The following DSCAM variants were observed in gnomAD, a reference collection of about 807,000 sequenced individuals.
The protein encoded by DSCAM is cell adhesion molecule DSCAM.
Under a neutral mutation model 217.7 loss-of-function variants are expected in DSCAM, and 47 were observed. The ratio of observed to expected loss-of-function variants is 0.22; its 90% confidence interval spans 0.17 to 0.28. The LOEUF is 0.28. DSCAM is among the 10% of genes least tolerant of loss of function. DSCAM has a pLI of 1.00. For missense variants in DSCAM, 2,080 were observed against 2,618.3 expected (o/e 0.79, Z 4.49); for synonymous variants, 1,056 against 1,015.3 (o/e 1.04, Z -0.76).
At chr21:40,758,561 G>A (rs1601222613) in intron 1 of DSCAM, among the ~76,000 whole-genome samples, 2 of 151,334 alleles carry the variant, frequency 1.3e-5, no homozygotes, top group African/African-American at 2.4e-5. Context: ...CAGAGGACAG[G>A]AGGTGTGGTG....
At chr21:40,323,439 A>G (rs1157268606) in intron 8 of DSCAM, among the ~76,000 whole-genome samples, 1 of 152,210 alleles carries the variant, frequency 6.6e-6, no homozygotes, top group Non-Finnish European at 1.5e-5. Flanking sequence ...ATTAGTGCTG[A>G]GTTCTCTTTC....
At chr21:40,664,078 T>A (rs979236258) in intron 3 of DSCAM, among the ~76,000 whole-genome samples, 2 of 152,228 alleles carry the variant, frequency 1.3e-5, no homozygotes, top group African/African-American at 2.4e-5. Context: ...ATAATGTATT[T>A]CTATTCACAA....
intron 3 of DSCAM, among the ~76,000 whole-genome samples, chr21:40,658,298 T>C (rs2090098086): frequency 6.6e-6 from 1 of 152,234 alleles, no homozygotes; most frequent in African/African-American, 2.4e-5. Context: ...AAAATTATCA[T>C]TTAATTTCTG....
intron 1 of DSCAM, among the ~76,000 whole-genome samples, chr21:40,793,847 C>G (rs1323239206): frequency 6.6e-6 from 1 of 152,072 alleles, no homozygotes. Context: ...AGCATTTTGT[C>G]TGGCTTAGAC....
At chr21:40,838,639 C>T (rs1331340316) in intron 1 of DSCAM, among the ~76,000 whole-genome samples, 1 of 152,178 alleles carries the variant, frequency 6.6e-6, no homozygotes, top group Non-Finnish European at 1.5e-5. Context: ...AAAACTGTTT[C>T]CTGTTTCTTC....
At chr21:40,465,809 C>T (rs1187211547) in intron 3 of DSCAM, among the ~76,000 whole-genome samples, 1 of 152,000 alleles carries the variant, frequency 6.6e-6, no homozygotes, top group Non-Finnish European at 1.5e-5. Flanking sequence ...TTACAGCTTA[C>T]TCTTGAAATA....
chr21:40,429,561 C>G (rs976257631), intron 3 of DSCAM, among the ~76,000 whole-genome samples: 4 of 152,210 alleles, frequency 2.6e-5, no homozygotes, highest in African/African-American at 9.6e-5. Context: ...AGCCACCAAG[C>G]CCAGCCTGCA....
chr21:40,348,187 G>A (rs1406558713), intron 5 of DSCAM, among the ~76,000 whole-genome samples: 3 of 152,234 alleles, frequency 2.0e-5, no homozygotes, highest in African/African-American at 4.8e-5. Flanking sequence ...GTTCCTATCA[G>A]CCACATTATT....
intron 20 of DSCAM, among the ~76,000 whole-genome samples, chr21:40,100,989 T>A (rs1308109849): frequency 6.6e-6 from 1 of 152,186 alleles, no homozygotes; most frequent in Non-Finnish European, 1.5e-5. Flanking sequence ...AGTTCCTTTG[T>A]GACCTGTGGA....
chr21:40,303,625 C>A (rs895073223), intron 9 of DSCAM, among the ~76,000 whole-genome samples: 1 of 152,018 alleles, frequency 6.6e-6, no homozygotes, highest in East Asian at 1.9e-4. Flanking sequence ...ACCATGGTAT[C>A]CTCGGCACTC....
intron 3 of DSCAM, among the ~76,000 whole-genome samples, chr21:40,500,547 G>A (rs1320487813): frequency 2.7e-5 from 4 of 149,164 alleles, no homozygotes; most frequent in African/African-American, 5.0e-5. Flanking sequence ...GGATGCAGAC[G>A]GTACTCTTGA....
intron 3 of DSCAM, among the ~76,000 whole-genome samples, chr21:40,430,174 C>T (rs528677904): frequency 1.3e-5 from 2 of 152,312 alleles, no homozygotes; most frequent in South Asian, 2.1e-4. Context: ...CACAGCCTAG[C>T]TCAGTGCTAT....
intron 8 of DSCAM, among the ~76,000 whole-genome samples, chr21:40,316,251 G>A (rs1478571352): frequency 6.6e-6 from 1 of 152,174 alleles, no homozygotes; most frequent in East Asian, 1.9e-4. Context: ...GCCACATTAT[G>A]TAAGGACACA....
chr21:40,755,779 T>C (rs1274465821), intron 1 of DSCAM, among the ~76,000 whole-genome samples: 1 of 152,206 alleles, frequency 6.6e-6, no homozygotes, highest in Non-Finnish European at 1.5e-5. Context: ...GAGATATTCA[T>C]ATAGCTTCTA....
chr21:40,714,058 T>C lies in DSCAM; in HGVS notation c.44-5287A>G, dbSNP rs1412132913. 2.0e-5 allele frequency among the ~76,000 whole-genome samples: 3 copies of C among 152,230 alleles called. No homozygotes were observed. In the East Asian group the frequency reaches 5.8e-4, roughly 29 times the overall value. ...ATCCATGTTGTGTTAATTCTGCAGGTGCACAGAATGCAAAAGCTGTGGGGC... is the reference window on the plus strand; with the variant it reads ...ATCCATGTTGTGTTAATTCTGCAGGCGCACAGAATGCAAAAGCTGTGGGGC... On this transcript the variant is annotated intron_variant, in intron 1 of 32. Coordinates refer to ENST00000400454, the MANE Select transcript of DSCAM (RefSeq NM_001389.5).
chr21:40,694,916 G>A (rs534614138), intron 2 of DSCAM, among the ~76,000 whole-genome samples: 1 of 152,294 alleles, frequency 6.6e-6, no homozygotes, highest in Non-Finnish European at 1.5e-5. Flanking sequence ...ATCTGGGCAT[G>A]GTGAGAAGCA....
intron 15 of DSCAM, 74 bp from the exon 16 acceptor site, chr21:40,167,362 T>C: frequency 9.4e-6 from 13 of 1,381,872 alleles, no homozygotes; most frequent in Non-Finnish European, 1.2e-5. Context: ...CAGCCAAAGG[T>C]GGTCCCCGAG....
At chr21:40,414,756 C>T (rs548632326) in intron 3 of DSCAM, among the ~76,000 whole-genome samples, 1 of 152,258 alleles carries the variant, frequency 6.6e-6, no homozygotes, top group East Asian at 1.9e-4. Context: ...TCGAGTGAGT[C>T]ATTACCTGCC....
chr21:40,659,378 TATCTATCTATCTATC>T (rs2090112133), intron 3 of DSCAM, among the ~76,000 whole-genome samples: 2 of 143,380 alleles, frequency 1.4e-5, no homozygotes, highest in African/African-American at 5.4e-5. Flanking sequence ...TCTATCTATC[TATCTATCTATCTATC>T]ATCTCTCTCA....
Sources: allele counts gnomAD v4.1 joint callset (sites outside exome capture counted in the v4.1 genomes callset), GRCh38; gene constraint gnomAD v4.1.1; transcripts MANE v1.5; gene names NCBI Gene and HGNC (gene_info 2026-07-23, HGNC 2026-07-21).